PSMD3: variants seen among roughly 807,000 people sequenced by gnomAD.
The protein encoded by PSMD3 is proteasome 26S subunit, non-ATPase 3, also known as 26S proteasome non-ATPase regulatory subunit 3.
PSMD3 carries 5 observed loss-of-function variants against 62.8 expected under a neutral mutation model. That is an observed-to-expected ratio of 0.08 (90% CI 0.04 to 0.17). The LOEUF (loss-of-function observed/expected upper bound fraction) is 0.17, where lower values mean the gene tolerates loss of function less well. Among genes scored for constraint, PSMD3 ranks in the 10% least tolerant of loss-of-function variants. The pLI, the probability that PSMD3 is intolerant of heterozygous loss-of-function variation, is 1.00. For synonymous variants in PSMD3, 265 were observed against 283.9 expected (o/e 0.93, Z 0.67); for missense variants, 524 against 713.6 (o/e 0.73, Z 3.03).
rs750093218 is a variant in PSMD3 at position 39,995,005 on chromosome 17, C to T, written c.1033C>T (p.Arg345Trp). 1.1e-5 allele frequency: 18 copies of T among 1,614,028 alleles called. No individual in the cohort carries two copies. Among genetic ancestry groups the T allele is most frequent in the Admixed American group, 1.7e-5 (1 of 60,000 alleles). Residue 345 changes from arginine to tryptophan, a missense_variant, in exon 7 of 12, where the codon CGG becomes TGG. Around this residue, in one of 4 missense-constraint regions of PSMD3, gnomAD observed 396 missense variants for 475.8 expected, o/e 0.83. Coordinates refer to ENST00000264639, the MANE Select transcript of PSMD3 (RefSeq NM_002809.4). This position sits in a 1 kb window ranked among gnomAD's most constrained non-coding sequence, Gnocchi z 4.1. ...VELLLGEIPDRLQFRQPSLKR... is the reference protein window; with the variant it reads ...VELLLGEIPDWLQFRQPSLKR... ...GCTGTTGCTGGGGGAGATCCCTGAC[C>T]GGCTGCAGTTCCGCCAGCCCTCCCT...
chr17:39,986,619 A>G lies in PSMD3; in HGVS notation c.456A>G (p.Gly152=). 1 of 1,614,100 alleles carries G rather than the reference A, an allele frequency of 6.2e-7. No homozygotes were observed. The highest frequency in any genetic ancestry group is 1.1e-5 in the South Asian group (1 of 91,084). The change falls in exon 3 of 12, where the codon GGA becomes GGG. Residue 152 remains glycine (G), a synonymous_variant. Transcript: ENST00000264639. Reference sequence around the variant, plus strand: ...ATTTACAGTTCCGTCCCCGCACGGGAAAAGCTGCGTCGACACCCCTCCTGC... The same window carrying G: ...ATTTACAGTTCCGTCCCCGCACGGGGAAAGCTGCGTCGACACCCCTCCTGC... The part of the protein sequence containing the change: ...EADLQFRPRT[G]KAASTPLLPE...
At chr17:39,986,060 T>A (rs1262462284) in intron 2 of PSMD3, among the ~76,000 whole-genome samples, 1 of 152,218 alleles carries the variant, frequency 6.6e-6, no homozygotes, top group Non-Finnish European at 1.5e-5. Flanking sequence ...TGTAACACTT[T>A]ATTGTGTTTA....
Position 39,995,065 on chromosome 17 carries a change from C to G in PSMD3, c.1093C>G (p.Gln365Glu), listed in dbSNP as rs781207973. The G allele has an allele frequency of 1.2e-6, 2 of 1,613,992 alleles. No individual in the cohort carries two copies. Among genetic ancestry groups the G allele is most frequent in the South Asian group, 2.2e-5 (2 of 91,090 alleles). Residue 365 changes from glutamine (Q) to glutamate (E), a missense_variant, in exon 7 of 12, where the codon CAA (glutamine) becomes GAA (glutamate). Physicochemically the swap from Gln to Glu is conservative, Grantham distance 29 (BLOSUM62 2). Coordinates refer to ENST00000264639, the MANE Select transcript of PSMD3 (RefSeq NM_002809.4). This position sits in a 1 kb window ranked among gnomAD's most constrained non-coding sequence, Gnocchi z 4.1. ...ACTCATGCCCTATTTCCTTCTGACT[C>G]AAGGTAAGGCTGGCTTCCCCACCCC... is the stretch of plus-strand genomic sequence containing the variant. ...RSLMPYFLLTQAVRTGNLAKF... is the reference protein window; with the variant it reads ...RSLMPYFLLTEAVRTGNLAKF...
intron 6 of PSMD3, among the ~76,000 whole-genome samples, chr17:39,992,679 TCA>T (rs1364719832): frequency 2.0e-5 from 3 of 152,184 alleles, no homozygotes; most frequent in African/African-American, 7.2e-5. Context: ...GTGTTTTCCA[TCA>T]CACTCCTTCC....
Position 39,981,056 on chromosome 17 carries a change from C to T in PSMD3, c.86C>T (p.Pro29Leu), listed in dbSNP as rs1568135017. The change falls in exon 1 of 12, where the codon CCG (proline) becomes CTG (leucine). Residue 29 changes from proline to leucine, a missense_variant. Around this residue, in one of 4 missense-constraint regions of PSMD3, gnomAD observed 396 missense variants for 475.8 expected, o/e 0.83. Coordinates refer to ENST00000264639, the MANE Select transcript of PSMD3 (RefSeq NM_002809.4). ...PGGGEQEPPP[P>L]PAPQDVEMKE... ...GGAGGAGAACAAGAACCCCCACCGC[C>T]GCCGGCCCCCCAGGATGTGGAGATG... 2 of 1,549,964 alleles carry T rather than the reference C, an allele frequency of 1.3e-6. No homozygotes were observed. The highest frequency in any genetic ancestry group is 1.2e-5 in the South Asian group (1 of 84,012).
rs1267078812 is a variant in PSMD3 at position 39,997,504 on chromosome 17, G to C, written c.1528G>C (p.Glu510Gln). Residue 510 changes from glutamate to glutamine, a missense_variant and splice_region_variant, in exon 12 of 12, where the codon GAA becomes CAA. Glu to Gln is a conservative substitution (Grantham distance 29). Around this residue, in one of 4 missense-constraint regions of PSMD3, gnomAD observed 20 missense variants for 55.1 expected, o/e 0.36. Transcript: ENST00000264639. ...TGGCCTCACTTGCCTCTCTCCCCAG[G>C]AACGGCGTGAGCGAGAACAGCAGGA... ...SYNKDLESAE[E>Q]RREREQQDLE... The C allele has an allele frequency of 5.6e-6, 9 of 1,613,876 alleles. No homozygotes were observed. Among genetic ancestry groups the C allele is most frequent in the Non-Finnish European group, 6.8e-6 (8 of 1,179,908 alleles).
In PSMD3 at chr17:39,997,348, A is replaced by G. The variant is rs1174643819; in HGVS notation, c.1495A>G (p.Lys499Glu). Residue 499 changes from lysine (K) to glutamate (E), a missense_variant, in exon 11 of 12, where the codon AAA becomes GAA. Transcript: ENST00000264639. ...GCCCCAGGCCATGAGGTTTCCTCCCAAATCGTACAACAAGGACTTGGAGTC... is the reference window on the plus strand; with the variant it reads ...GCCCCAGGCCATGAGGTTTCCTCCCGAATCGTACAACAAGGACTTGGAGTC... ...MSVKAMRFPP[K>E]SYNKDLESAE... The G allele has an allele frequency of 1.2e-6, 2 of 1,614,156 alleles. No homozygotes were observed. The highest frequency in any genetic ancestry group is 8.5e-7 in the Non-Finnish European group (1 of 1,180,018).
At chr17:39,992,024 C>CAAAAAAAAAAAAAAAA (rs59894264) in intron 6 of PSMD3, among the ~76,000 whole-genome samples, 3 of 102,050 alleles carry the variant, frequency 2.9e-5, no homozygotes, top group Non-Finnish European at 6.4e-5. Flanking sequence ...GACTCTGTCT[C>CAAAAAAAAAAAAAAAA]AAAAAAAAAC....
At chr17:39,985,842 A>G (rs1363955486) in intron 2 of PSMD3, among the ~76,000 whole-genome samples, 1 of 152,082 alleles carries the variant, frequency 6.6e-6, no homozygotes, top group Admixed American at 6.5e-5. Flanking sequence ...CTTTCCCTAA[A>G]TTTTCTTTGT....
intron 1 of PSMD3, among the ~76,000 whole-genome samples, chr17:39,983,660 A>G (rs889519730): frequency 6.6e-6 from 1 of 152,130 alleles, no homozygotes; most frequent in Non-Finnish European, 1.5e-5. Context: ...GATTTCTCCC[A>G]TTGTTCACAT....
intron 6 of PSMD3, among the ~76,000 whole-genome samples, chr17:39,992,809 C>A (rs1980691671): frequency 6.6e-6 from 1 of 152,184 alleles, no homozygotes; most frequent in East Asian, 1.9e-4. Context: ...CCCTCCCCAA[C>A]AGTGCACTGG....
At chr17:39,992,107 C>T (rs572320922) in intron 6 of PSMD3, among the ~76,000 whole-genome samples, 2 of 151,474 alleles carry the variant, frequency 1.3e-5, no homozygotes, top group Non-Finnish European at 3.0e-5. Flanking sequence ...TTCAGACACA[C>T]AGGGTGCGTG....
rs1274658853 is a variant in PSMD3, at chr17:39,988,747, T to C, written c.614T>C (p.Leu205Pro). 1.2e-6 allele frequency: 2 copies of C among 1,614,070 alleles called. No homozygotes were observed. Among genetic ancestry groups the C allele is most frequent in the Non-Finnish European group, 1.7e-6 (2 of 1,180,038 alleles). ...ACTCAGAACCGCCGGGCCCTAGACC[T>C]TGTAGCCGCAAAGTGTTACTATTAT... ...ISTQNRRALD[L>P]VAAKCYYYHA... The change falls in exon 4 of 12, where the codon CTT becomes CCT. Residue 205 changes from leucine (L) to proline (P), a missense_variant. Transcript: ENST00000264639.
intron 1 of PSMD3, among the ~76,000 whole-genome samples, chr17:39,982,944 A>G (rs1185372995): frequency 2.0e-5 from 3 of 152,256 alleles, no homozygotes; most frequent in Non-Finnish European, 4.4e-5. Flanking sequence ...AAAAGGCTGA[A>G]CATTTTAAAG....
At chr17:39,983,588 C>G (rs970204097) in intron 1 of PSMD3, among the ~76,000 whole-genome samples, 2 of 152,066 alleles carry the variant, frequency 1.3e-5, no homozygotes, top group African/African-American at 4.8e-5. Context: ...CTTTTGTATA[C>G]ACAGTTATCT....
chr17:39,987,440 C>T (rs974418411), intron 3 of PSMD3, among the ~76,000 whole-genome samples: 1 of 152,172 alleles, frequency 6.6e-6, no homozygotes, highest in Non-Finnish European at 1.5e-5. Context: ...TTGACCTCCC[C>T]GGCTTAAGTG....
intron 6 of PSMD3, among the ~76,000 whole-genome samples, chr17:39,992,113 G>A (rs1980671777): frequency 6.6e-6 from 1 of 151,746 alleles, no homozygotes; most frequent in Non-Finnish European, 1.5e-5. Context: ...CACACAGGGT[G>A]CGTGAGCAAA....
chr17:39,997,598 G>A lies in PSMD3; in HGVS notation c.*17G>A, dbSNP rs201113087. On this transcript the variant is annotated 3_prime_UTR_variant, in exon 12 of 12. Transcript: ENST00000264639. ...TTCCCTTGAGCTGGGGGGCTGGGGAGGGGTAGGGGGAATGGGGACAGGCTC... is the reference window on the plus strand; with the variant it reads ...TTCCCTTGAGCTGGGGGGCTGGGGAAGGGTAGGGGGAATGGGGACAGGCTC... 345 of 1,606,816 alleles carry A rather than the reference G, an allele frequency of 2.1e-4. 6 individuals are homozygous for A. In the South Asian group the frequency reaches 3.6e-3, roughly 17 times the overall value.
chr17:39,992,322 C>T (rs1008249368), intron 6 of PSMD3, among the ~76,000 whole-genome samples: 13 of 152,010 alleles, frequency 8.6e-5, no homozygotes, highest in African/African-American at 1.4e-4. Flanking sequence ...AGAGAGAGGG[C>T]GGGAGTGAAG....
Sources: gnomAD v4.1 joint callset for allele counts (sites outside exome capture counted in the v4.1 genomes callset) on GRCh38, gnomAD v4.1.1 for gene constraint, gnomAD v4.1.1 regional missense constraint, Gnocchi (gnomAD v3.1) non-coding constraint, MANE v1.5 for transcripts, NCBI Gene and HGNC (gene_info 2026-07-23, HGNC 2026-07-21) for gene names.